TMEM132B: variants seen among roughly 807,000 people sequenced by gnomAD.
The protein encoded by TMEM132B is transmembrane protein 132B.
Under a neutral mutation model 90.8 loss-of-function variants are expected in TMEM132B, and 18 were observed. The ratio of observed to expected loss-of-function variants is 0.20; its 90% confidence interval spans 0.14 to 0.29. The LOEUF is 0.29. Ranked by LOEUF, TMEM132B falls within the 10% of genes least tolerant of loss-of-function variation. The pLI, the probability that TMEM132B is intolerant of heterozygous loss-of-function variation, is 1.00. For synonymous variants in TMEM132B, 504 were observed against 523.3 expected, an observed-to-expected ratio of 0.96 and a Z score of 0.50; for missense variants, 1,096 against 1,326.8, an observed-to-expected ratio of 0.83 and a Z score of 2.70.
chr12:125,329,443 A>C (rs1373615224), intron 1 of TMEM132B, among the ~76,000 whole-genome samples: 1 of 152,188 alleles, frequency 6.6e-6, no homozygotes, highest in East Asian at 1.9e-4. Flanking sequence ...TGAGTCACTC[A>C]CCAGGCAGCC....
At chr12:125,401,658 AT>A (rs1177858446) in intron 2 of TMEM132B, among the ~76,000 whole-genome samples, 1 of 152,220 alleles carries the variant, frequency 6.6e-6, no homozygotes, top group African/African-American at 2.4e-5. Context: ...AACATACAAT[AT>A]TAGCATATTT....
intron 5 of TMEM132B, among the ~76,000 whole-genome samples, chr12:125,621,000 C>T (rs1886100938): frequency 6.6e-6 from 1 of 152,110 alleles, no homozygotes; most frequent in Admixed American, 6.5e-5. Flanking sequence ...GGAGACTTGG[C>T]CCAAGATATG....
chr12:125,283,363 T>C, intron 1 of TMEM132B, among the ~76,000 whole-genome samples: 1 of 152,192 alleles, frequency 6.6e-6, no homozygotes, highest in African/African-American at 2.4e-5. Flanking sequence ...ATGTATTATA[T>C]TCCGGAAAGC....
chr12:125,534,013 G>A (rs886373604), intron 4 of TMEM132B, among the ~76,000 whole-genome samples: 1 of 152,180 alleles, frequency 6.6e-6, no homozygotes, highest in Admixed American at 6.5e-5. Flanking sequence ...TCCACGTATG[G>A]GCAGAGAGAT....
intron 3 of TMEM132B, among the ~76,000 whole-genome samples, chr12:125,432,491 GTGTATATATA>G (rs1384681430): frequency 1.3e-4 from 8 of 59,574 alleles, no homozygotes; most frequent in African/African-American, 1.0e-3. Context: ...ATATATGTAT[GTGTATATATA>G]TGTGTGTGTG....
At chr12:125,516,884 C>T (rs1338187510) in intron 3 of TMEM132B, among the ~76,000 whole-genome samples, 2 of 152,166 alleles carry the variant, frequency 1.3e-5, no homozygotes, top group African/African-American at 4.8e-5. Flanking sequence ...AAGCATCTCT[C>T]GTAGGAGGTG....
chr12:125,313,039 C>T (rs1304788251), intron 1 of TMEM132B, among the ~76,000 whole-genome samples: 3 of 152,084 alleles, frequency 2.0e-5, no homozygotes, highest in Non-Finnish European at 2.9e-5. Context: ...TTGGACACCC[C>T]TCGTGTGAGC....
At chr12:125,302,974 G>A (rs1384022211) in intron 1 of TMEM132B, among the ~76,000 whole-genome samples, 1 of 152,032 alleles carries the variant, frequency 6.6e-6, no homozygotes, top group African/African-American at 2.4e-5. Flanking sequence ...GCAGGCACCT[G>A]TAATCCCAGC....
At chr12:125,481,403 C>T (rs1882039288) in intron 3 of TMEM132B, among the ~76,000 whole-genome samples, 1 of 152,220 alleles carries the variant, frequency 6.6e-6, no homozygotes, top group Non-Finnish European at 1.5e-5. Flanking sequence ...GCTACTTCAG[C>T]AAAGTCTCAG....
intron 6 of TMEM132B, among the ~76,000 whole-genome samples, chr12:125,646,271 G>T (rs979089419): frequency 2.0e-5 from 3 of 152,214 alleles, no homozygotes; most frequent in African/African-American, 7.2e-5. Context: ...GATTCATCTT[G>T]CTGCTAATAG....
At chr12:125,648,580 T>G (rs962895782) in intron 6 of TMEM132B, among the ~76,000 whole-genome samples, 1 of 151,926 alleles carries the variant, frequency 6.6e-6, no homozygotes. Flanking sequence ...TTAGTGAATT[T>G]CTAATTATTT....
chr12:125,483,675 A>G (rs959511948), intron 3 of TMEM132B, among the ~76,000 whole-genome samples: 2 of 152,208 alleles, frequency 1.3e-5, no homozygotes, highest in African/African-American at 4.8e-5. Context: ...TTTGCTCATG[A>G]AATCCAGAGA....
At chr12:125,504,020 T>G (rs1882766997) in intron 3 of TMEM132B, among the ~76,000 whole-genome samples, 2 of 152,214 alleles carry the variant, frequency 1.3e-5, no homozygotes, top group South Asian at 4.1e-4. Flanking sequence ...ATTAATACAA[T>G]GGGCCAAGTC....
intron 3 of TMEM132B, among the ~76,000 whole-genome samples, chr12:125,454,048 T>A (rs895139257): frequency 6.6e-6 from 1 of 152,160 alleles, no homozygotes; most frequent in Non-Finnish European, 1.5e-5. Context: ...TCTGGAGAGC[T>A]GAATGGAGCT....
At chr12:125,582,360 G>A (rs1885072488) in intron 4 of TMEM132B, among the ~76,000 whole-genome samples, 1 of 151,618 alleles carries the variant, frequency 6.6e-6, no homozygotes, top group African/African-American at 2.4e-5. Flanking sequence ...ATCAAGTTTG[G>A]AATAGAGAGT....
rs535158599 is a variant in TMEM132B at position 125,340,903 on chromosome 12, A to G, written c.68-8549A>G. Among the ~76,000 whole-genome samples the G allele has an allele frequency of 4.7e-4, 72 of 152,300 alleles. 1 individual carries two copies. The highest frequency in any genetic ancestry group is 7.8e-4 in the Admixed American group (12 of 15,298). On this transcript the variant is annotated intron_variant, in intron 1 of 8. Coordinates refer to ENST00000682704, the MANE Select transcript of TMEM132B (RefSeq NM_001366854.1). ...GAGGAGGCATCCTCGTAAGCTCACAATGTATTGTGGAAATGATGTCATGCC... is the reference window on the plus strand; with the variant it reads ...GAGGAGGCATCCTCGTAAGCTCACAGTGTATTGTGGAAATGATGTCATGCC...
At chr12:125,432,590 T>A (rs1880574177) in intron 3 of TMEM132B, among the ~76,000 whole-genome samples, 2 of 140,092 alleles carry the variant, frequency 1.4e-5, no homozygotes, top group Non-Finnish European at 3.1e-5. Context: ...GAATGTGGCC[T>A]GCAATGCCCA....
chr12:125,222,633 C>G (rs1324704568), intron 1 of TMEM132B, among the ~76,000 whole-genome samples: 1 of 152,154 alleles, frequency 6.6e-6, no homozygotes, highest in East Asian at 1.9e-4. Context: ...AATTTACTTC[C>G]CACTCAACAT....
chr12:125,190,190 C>T (rs1957788586), intron 1 of TMEM132B, among the ~76,000 whole-genome samples: 1 of 152,192 alleles, frequency 6.6e-6, no homozygotes, highest in African/African-American at 2.4e-5. Context: ...CTTAACTCCT[C>T]ACCTATGACT....
Sources: allele counts gnomAD v4.1 joint callset (sites outside exome capture counted in the v4.1 genomes callset), GRCh38; gene constraint gnomAD v4.1.1; transcripts MANE v1.5; gene names NCBI Gene and HGNC (gene_info 2026-07-23, HGNC 2026-07-21).